IARS1: variants seen among roughly 807,000 people sequenced by gnomAD.
IARS1 encodes the protein isoleucyl-tRNA synthetase 1, also known as isoleucine--tRNA ligase, cytoplasmic.
Under a neutral mutation model 168.2 loss-of-function variants are expected in IARS1, and 124 were observed. That is an observed-to-expected ratio of 0.74 (90% CI 0.64 to 0.86). The LOEUF (loss-of-function observed/expected upper bound fraction) is 0.86. IARS1 is among the 40% of genes least tolerant of loss of function. IARS1 has a pLI of 0.00. For missense variants in IARS1, 1,452 were observed against 1,515.8 expected (o/e 0.96, Z 0.70); for synonymous variants, 532 against 529.4 (o/e 1.00, Z -0.07).
At chr9:92,288,315 A>T in intron 2 of IARS1, 33 bp from the exon 3 acceptor site, 1 of 1,601,592 alleles carries the variant, frequency 6.2e-7, no homozygotes, top group Non-Finnish European at 8.5e-7. Context: ...CAAGCCATTT[A>T]AAAACAGCCA....
At chr9:92,251,743 C>T (rs1830032738) in intron 22 of IARS1, 65 bp downstream of exon 22, 2 of 1,075,412 alleles carry the variant, frequency 1.9e-6, no homozygotes, top group East Asian at 4.7e-5. Context: ...GAGGATGCTG[C>T]AGCAAGTAGG....
chr9:92,220,826 G>A (rs1839558373), intron 33 of IARS1, among the ~76,000 whole-genome samples: 1 of 151,830 alleles, frequency 6.6e-6, no homozygotes, highest in African/African-American at 2.4e-5. Flanking sequence ...AATTAGCTGG[G>A]CATGGTGGCG....
At chr9:92,282,200 A>G (rs1834689744) in intron 6 of IARS1, among the ~76,000 whole-genome samples, 2 of 152,256 alleles carry the variant, frequency 1.3e-5, no homozygotes. Context: ...AGAGAAGGAT[A>G]AAGCAAATGT....
chr9:92,221,170 G>C (rs566874835), intron 33 of IARS1, among the ~76,000 whole-genome samples: 83 of 152,248 alleles, frequency 5.5e-4, no homozygotes, highest in African/African-American at 2.0e-3. Flanking sequence ...CCAGAATGTA[G>C]TATATAAGGA....
At chr9:92,288,309 C>G in intron 2 of IARS1, 27 bp from the exon 3 acceptor site, 1 of 1,611,866 alleles carries the variant, frequency 6.2e-7, no homozygotes, top group Non-Finnish European at 8.5e-7. Flanking sequence ...ATATATCAAG[C>G]CATTTAAAAA....
intron 20 of IARS1, among the ~76,000 whole-genome samples, chr9:92,255,148 C>G (rs1830545394): frequency 6.6e-6 from 1 of 152,218 alleles, no homozygotes; most frequent in South Asian, 2.1e-4. Flanking sequence ...CTGTGTCTAT[C>G]TGAGCAACAG....
chr9:92,250,053 G>T, intron 24 of IARS1, 112 bp from the exon 25 acceptor site: 1 of 856,002 alleles, frequency 1.2e-6, no homozygotes, highest in Non-Finnish European at 2.0e-6. Flanking sequence ...GGCTGGACTA[G>T]TACTAAGTCA....
intron 6 of IARS1, among the ~76,000 whole-genome samples, chr9:92,282,043 G>A (rs2133951327): frequency 6.6e-6 from 1 of 152,208 alleles, no homozygotes; most frequent in East Asian, 1.9e-4. Flanking sequence ...CTACACATGA[G>A]GTAATACAGC....
intron 30 of IARS1, among the ~76,000 whole-genome samples, chr9:92,235,513 A>ATTTTTT (rs558342421): frequency 7.9e-5 from 9 of 114,184 alleles, no homozygotes; most frequent in Non-Finnish European, 1.4e-4. Flanking sequence ...AATTACATTG[A>ATTTTTT]TTTTTTTTTT....
At position 92,240,772 on chromosome 9, in the gene IARS1, C is replaced by T; in HGVS notation, c.3283+84G>A. The T allele has an allele frequency of 5.1e-6, 4 of 779,230 alleles. No homozygotes were observed. In the South Asian group the frequency reaches 5.7e-5, roughly 11 times the overall value. The allele number at this position is 779,230 out of a possible 1,614,324, so 48.3% of individuals were successfully genotyped here. ...ATAATTATTCCAATTCTCTTAAAAA[C>T]ATCCATAAGTTTTTTTGGTTGTTTT... is the stretch of plus-strand genomic sequence containing the variant. On this transcript the variant is annotated intron_variant, in intron 30 of 33. Coordinates refer to ENST00000443024, the MANE Select transcript of IARS1 (RefSeq NM_002161.6).
At chr9:92,258,383 C>T (rs1831029772) in intron 19 of IARS1, among the ~76,000 whole-genome samples, 1 of 152,182 alleles carries the variant, frequency 6.6e-6, no homozygotes, top group Non-Finnish European at 1.5e-5. Context: ...CACCTGAGGT[C>T]TGGAGTTCAA....
At chr9:92,242,043 C>T in intron 29 of IARS1, 111 bp downstream of exon 29, 1 of 809,684 alleles carries the variant, frequency 1.2e-6, no homozygotes, top group South Asian at 1.6e-5. Flanking sequence ...TACTTCAAGA[C>T]AGAGTGCTGT....
At chr9:92,223,637 T>C (rs1167166328) in intron 31 of IARS1, 148 bp from the exon 32 acceptor site, 1 of 640,820 alleles carries the variant, frequency 1.6e-6, no homozygotes, top group Non-Finnish European at 2.6e-6. Flanking sequence ...GCCTTTTCTA[T>C]AAAACCAGCC....
At chr9:92,261,395 G>A (rs1229412569) in intron 17 of IARS1, among the ~76,000 whole-genome samples, 1 of 152,128 alleles carries the variant, frequency 6.6e-6, no homozygotes, top group African/African-American at 2.4e-5. Flanking sequence ...CAAAATTACA[G>A]AGATGGAGAA....
In IARS1 at chr9:92,227,243, C is replaced by T. The variant is rs1357952252; in HGVS notation, c.3409+1758G>A. The stretch of plus-strand genomic sequence containing the variant: ...CACGGCAACCATCCGATTTCTCAAT[C>T]TTTTCCCCACCTTTCCCCCCTTTCT... On this transcript the variant is annotated intron_variant, in intron 31 of 33. Transcript: ENST00000443024. Among the ~76,000 whole-genome samples, 27 of 149,404 alleles carry T rather than the reference C, an allele frequency of 1.8e-4. 1 individual carries two copies. Among genetic ancestry groups the T allele is most frequent in the African/African-American group, 5.9e-4 (24 of 40,366 alleles).
chr9:92,215,994 A>T (rs1412198269), intron 33 of IARS1, among the ~76,000 whole-genome samples: 1 of 150,980 alleles, frequency 6.6e-6, no homozygotes, highest in Non-Finnish European at 1.5e-5. Context: ...GTTGAAATGA[A>T]GGAAAAAATG....
chr9:92,280,424 T>C (rs577759389), intron 7 of IARS1, among the ~76,000 whole-genome samples: 4 of 152,304 alleles, frequency 2.6e-5, no homozygotes, highest in African/African-American at 9.6e-5. Flanking sequence ...CTGGTATCAA[T>C]TGCTAGTAAC....
intron 23 of IARS1, 45 bp downstream of exon 23, chr9:92,250,668 T>G (rs1829886555): frequency 1.3e-6 from 2 of 1,509,650 alleles, no homozygotes; most frequent in Non-Finnish European, 1.8e-6. Flanking sequence ...TGAGCAACTC[T>G]CCCCTCCTTG....
chr9:92,268,455 C>G (rs932419308), intron 13 of IARS1, among the ~76,000 whole-genome samples, 155 bp from the exon 14 acceptor site: 2 of 152,234 alleles, frequency 1.3e-5, no homozygotes, highest in Non-Finnish European at 2.9e-5. Context: ...AAATGGACAG[C>G]ATAGCACACA....
Sources: gnomAD v4.1 joint callset for allele counts (sites outside exome capture counted in the v4.1 genomes callset) on GRCh38, gnomAD v4.1.1 for gene constraint, MANE v1.5 for transcripts, NCBI Gene and HGNC (gene_info 2026-07-23, HGNC 2026-07-21) for gene names.